The following NEK1 variants were observed in gnomAD, a reference collection of about 807,000 sequenced individuals.
NEK1 encodes NIMA related kinase 1.
Under a neutral mutation model 182.1 loss-of-function variants are expected in NEK1, and 137 were observed. That is an observed-to-expected ratio of 0.75 (90% CI 0.65 to 0.87). The LOEUF (loss-of-function observed/expected upper bound fraction) is 0.87, where lower values mean the gene tolerates loss of function less well. Ranked by LOEUF, NEK1 falls within the 40% of genes least tolerant of loss-of-function variation. NEK1 has a pLI of 0.00. For missense variants in NEK1, 1,391 were observed against 1,494.4 expected (o/e 0.93, Z 1.14); for synonymous variants, 513 against 492.2 (o/e 1.04, Z -0.56).
chr4:169,496,626 T>A (rs1365590782), intron 23 of NEK1, among the ~76,000 whole-genome samples: 2 of 148,644 alleles, frequency 1.3e-5, no homozygotes, highest in Non-Finnish European at 2.9e-5. Flanking sequence ...GCTGTTGAAT[T>A]TTGTCAAAGG....
intron 29 of NEK1, among the ~76,000 whole-genome samples, chr4:169,427,814 A>C (rs1296495735): frequency 1.3e-5 from 2 of 149,260 alleles, no homozygotes; most frequent in Non-Finnish European, 3.0e-5. Flanking sequence ...TTATTTTTTA[A>C]GCTTATATAT....
chr4:169,522,650 G>A (rs1756273371), intron 19 of NEK1, among the ~76,000 whole-genome samples: 1 of 152,202 alleles, frequency 6.6e-6, no homozygotes, highest in Non-Finnish European at 1.5e-5. Flanking sequence ...TTGTGAGAAT[G>A]GAAGTTGCTT....
intron 16 of NEK1, among the ~76,000 whole-genome samples, chr4:169,559,696 T>A (rs1762624730): frequency 6.6e-6 from 1 of 152,158 alleles, no homozygotes; most frequent in Non-Finnish European, 1.5e-5. Context: ...TGTACATGAG[T>A]GAAACTTATA....
chr4:169,456,638 A>G (rs1471906061), intron 27 of NEK1, among the ~76,000 whole-genome samples: 4 of 152,228 alleles, frequency 2.6e-5, no homozygotes, highest in East Asian at 1.9e-4. Context: ...CTAGACATAT[A>G]TAACTGTTTG....
chr4:169,403,898 A>G (rs1249485627), intron 32 of NEK1, among the ~76,000 whole-genome samples: 3 of 152,312 alleles, frequency 2.0e-5, no homozygotes, highest in East Asian at 1.9e-4. Context: ...AATTTTCCAA[A>G]GACAAACATC....
At chr4:169,404,779 A>AG (rs1188829112) in intron 32 of NEK1, among the ~76,000 whole-genome samples, 2 of 112,628 alleles carry the variant, frequency 1.8e-5, no homozygotes, top group Non-Finnish European at 3.9e-5. Context: ...TTTATGGAAA[A>AG]AAATTTTTTT....
chr4:169,570,333 C>T (rs1315013648), intron 12 of NEK1, among the ~76,000 whole-genome samples: 11 of 151,736 alleles, frequency 7.2e-5, no homozygotes, highest in South Asian at 2.1e-4. Context: ...CGTCTCCGCC[C>T]GGCAGCCACC....
chr4:169,419,424 T>C (rs1265893639), intron 31 of NEK1, among the ~76,000 whole-genome samples: 1 of 152,142 alleles, frequency 6.6e-6, no homozygotes, highest in Non-Finnish European at 1.5e-5. Flanking sequence ...GATAGAAACT[T>C]GAATTCTGCA....
At chr4:169,608,562 G>T (rs1046485768) in intron 2 of NEK1, among the ~76,000 whole-genome samples, 1 of 152,104 alleles carries the variant, frequency 6.6e-6, no homozygotes, top group Admixed American at 6.5e-5. Flanking sequence ...AACCTTGAGG[G>T]ATTAATATGA....
intron 23 of NEK1, among the ~76,000 whole-genome samples, chr4:169,493,556 C>A (rs984433109): frequency 5.3e-5 from 8 of 152,074 alleles, no homozygotes; most frequent in Admixed American, 3.3e-4. Context: ...AAAAATGATC[C>A]AGGACATGAA....
At chr4:169,445,425 TA>T (rs917203833) in intron 27 of NEK1, among the ~76,000 whole-genome samples, 2 of 151,002 alleles carry the variant, frequency 1.3e-5, no homozygotes, top group Non-Finnish European at 3.0e-5. Flanking sequence ...ACCCTGTTTA[TA>T]AAAAAAAGAG....
chr4:169,477,855 T>G (rs1747257137), intron 24 of NEK1, among the ~76,000 whole-genome samples: 1 of 151,998 alleles, frequency 6.6e-6, no homozygotes, highest in Admixed American at 6.6e-5. Context: ...AGAGGAAAAT[T>G]CATATACTCT....
chr4:169,581,596 T>C (rs1157187961), intron 10 of NEK1, among the ~76,000 whole-genome samples: 1 of 152,188 alleles, frequency 6.6e-6, no homozygotes, highest in African/African-American at 2.4e-5. Context: ...TAATTTATTT[T>C]TATTAGTTCT....
chr4:169,480,021 T>C (rs1747696929), intron 23 of NEK1, among the ~76,000 whole-genome samples: 1 of 152,164 alleles, frequency 6.6e-6, no homozygotes, highest in African/African-American at 2.4e-5. Context: ...ACTGAAAACA[T>C]CATGTTGTAT....
At position 169,465,236 on chromosome 4, in the gene NEK1, T is replaced by C. The variant is rs138566566; in HGVS notation, c.2435-1841A>G. The stretch of plus-strand genomic sequence containing the variant: ...TTACAGTCATTTGATGTTTGACAAA[T>C]ATGCCAAAGAAATTCAAAAGGGGAA... On this transcript the variant is annotated intron_variant, in intron 26 of 35. Transcript: ENST00000507142. Among the ~76,000 whole-genome samples, 475 of 152,032 alleles carry C rather than the reference T, an allele frequency of 3.1e-3. 9 individuals are homozygous for C. The highest frequency in any genetic ancestry group is 0.022 in the Admixed American group (330 of 15,250).
chr4:169,590,030 A>C (rs1029476457), intron 6 of NEK1, among the ~76,000 whole-genome samples: 1 of 152,182 alleles, frequency 6.6e-6, no homozygotes, highest in African/African-American at 2.4e-5. Context: ...AAAAGGGGCC[A>C]GGCGCAGTGG....
At chr4:169,479,377 G>A in intron 24 of NEK1, 26 bp downstream of exon 24, 1 of 1,586,294 alleles carries the variant, frequency 6.3e-7, no homozygotes, top group Non-Finnish European at 8.6e-7. Flanking sequence ...TTGACTTTGA[G>A]GAGTTCTGAA....
At chr4:169,490,177 T>C (rs1749792746) in intron 23 of NEK1, among the ~76,000 whole-genome samples, 1 of 152,170 alleles carries the variant, frequency 6.6e-6, no homozygotes, top group Non-Finnish European at 1.5e-5. Flanking sequence ...CAGCCATTAC[T>C]CAAATTGATT....
At chr4:169,463,460 A>C in intron 26 of NEK1, 65 bp from the exon 27 acceptor site, 1 of 1,209,460 alleles carries the variant, frequency 8.3e-7, no homozygotes, top group Non-Finnish European at 1.1e-6. Context: ...ATGGTAAGGC[A>C]GATTTTGAGT....
Sources: gnomAD v4.1 joint callset for allele counts (sites outside exome capture counted in the v4.1 genomes callset) on GRCh38, gnomAD v4.1.1 for gene constraint, MANE v1.5 for transcripts, NCBI Gene and HGNC (gene_info 2026-07-23, HGNC 2026-07-21) for gene names.